Variants in MMD2 observed in about 807,000 individuals in gnomAD.
The protein encoded by MMD2 is monocyte to macrophage differentiation factor 2.
Under a neutral mutation model 33.5 loss-of-function variants are expected in MMD2, and 30 were observed. The observed-to-expected ratio is 0.90, with a 90% CI of 0.67 to 1.22. The LOEUF (loss-of-function observed/expected upper bound fraction) is 1.22. MMD2 is among the 50% of genes most tolerant of loss of function. The pLI is 0.00. For missense variants in MMD2, 364 were observed against 325.4 expected (o/e 1.12, Z -0.91); for synonymous variants, 129 against 123.0 (o/e 1.05, Z -0.32).
chr7:4,925,384 C>T lies in MMD2; in HGVS notation c.129+67G>A, dbSNP rs906725192. The T allele has an allele frequency of 1.4e-5, 19 of 1,315,508 alleles. No homozygotes were observed. In the Middle Eastern group the frequency reaches 1.1e-3, roughly 75 times the overall value. 81.5% of individuals were successfully genotyped at this position (1,315,508 alleles called of 1,614,324 possible). A position where few individuals can be genotyped will look rare whatever the true frequency, so the allele number is the denominator to read the frequency against. On this transcript the variant is annotated intron_variant, in intron 2 of 6. Coordinates refer to ENST00000401401, the MANE Select transcript of MMD2 (RefSeq NM_198403.4). ...CTTAGGACATACGTGAAGGAGGTGA[C>T]TTCCCCCACCCCCCTTCCCCGGAAG...
At chr7:4,943,605 C>G (rs544829195) in intron 1 of MMD2, among the ~76,000 whole-genome samples, 1 of 152,186 alleles carries the variant, frequency 6.6e-6, no homozygotes, top group Non-Finnish European at 1.5e-5. Flanking sequence ...CACAGAAAAC[C>G]TCTAGATATG....
chr7:4,921,045 G>A (rs774622555), intron 2 of MMD2, among the ~76,000 whole-genome samples: 13 of 152,116 alleles, frequency 8.5e-5, no homozygotes, highest in Non-Finnish European at 1.6e-4. Flanking sequence ...AGCCATGTGG[G>A]GCCAGTGGCT....
At chr7:4,910,042 T>G in intron 5 of MMD2, 92 bp from the exon 6 acceptor site, 4 of 1,613,374 alleles carry the variant, frequency 2.5e-6, no homozygotes, top group Non-Finnish European at 3.4e-6. Context: ...GAGGGAACAC[T>G]CTGGCCAGAA....
intron 1 of MMD2, among the ~76,000 whole-genome samples, chr7:4,955,331 G>A (rs1786353684): frequency 6.6e-6 from 1 of 152,178 alleles, no homozygotes; most frequent in Non-Finnish European, 1.5e-5. Flanking sequence ...TTACATCAAA[G>A]ACTCTAGGTT....
intron 1 of MMD2, among the ~76,000 whole-genome samples, chr7:4,956,292 G>A (rs573212961): frequency 6.6e-6 from 1 of 150,726 alleles, no homozygotes; most frequent in South Asian, 2.1e-4. Flanking sequence ...CAGGCATGGT[G>A]GTGCACACCT....
At chr7:4,929,047 G>T (rs190287296) in intron 1 of MMD2, among the ~76,000 whole-genome samples, 1 of 152,292 alleles carries the variant, frequency 6.6e-6, no homozygotes, top group Non-Finnish European at 1.5e-5. Context: ...GTATGGGCAG[G>T]GCAGGAGTGA....
chr7:4,935,335 G>C (rs1287352905), intron 1 of MMD2, among the ~76,000 whole-genome samples: 2 of 152,022 alleles, frequency 1.3e-5, no homozygotes, highest in Non-Finnish European at 2.9e-5. Context: ...CTGGGCCACA[G>C]AGTGAGACCC....
chr7:4,900,853 C>A, the MMD2 span, among the ~76,000 whole-genome samples: 1 of 152,062 alleles, frequency 6.6e-6, no homozygotes, highest in Non-Finnish European at 1.5e-5. Flanking sequence ...TAAACCAGCT[C>A]CCTGGGCCGG....
At chr7:4,893,418 G>C in the MMD2 span, among the ~76,000 whole-genome samples, 1 of 149,388 alleles carries the variant, frequency 6.7e-6, no homozygotes, top group African/African-American at 2.5e-5. Flanking sequence ...TTGAGACAGA[G>C]TCTAGCACTG....
At chr7:4,927,799 A>T (rs1417420308) in intron 1 of MMD2, among the ~76,000 whole-genome samples, 5 of 152,172 alleles carry the variant, frequency 3.3e-5, no homozygotes, top group Non-Finnish European at 7.3e-5. Flanking sequence ...ACCTCTGTTT[A>T]ATCCTCACCA....
At chr7:4,937,882 C>T (rs1583388803) in intron 1 of MMD2, among the ~76,000 whole-genome samples, 2 of 151,832 alleles carry the variant, frequency 1.3e-5, no homozygotes, top group African/African-American at 4.8e-5. Context: ...CTCCTGGCCT[C>T]AAGCAGTCCT....
intron 4 of MMD2, among the ~76,000 whole-genome samples, chr7:4,912,279 C>T (rs1214484242): frequency 6.6e-6 from 1 of 151,916 alleles, no homozygotes; most frequent in Non-Finnish European, 1.5e-5. Context: ...TAACTGTTGG[C>T]CGGGCGCGGT....
chr7:4,925,996 G>T (rs1299158980), intron 1 of MMD2, among the ~76,000 whole-genome samples: 1 of 152,100 alleles, frequency 6.6e-6, no homozygotes, highest in East Asian at 1.9e-4. Context: ...AGTAGAGAAG[G>T]GGTTTCACCA....
At chr7:4,947,932 T>C (rs1786136860) in intron 1 of MMD2, among the ~76,000 whole-genome samples, 1 of 151,990 alleles carries the variant, frequency 6.6e-6, no homozygotes, top group South Asian at 2.1e-4. Context: ...TCTCCCGACC[T>C]GGTGATCCAC....
chr7:4,926,766 A>T (rs1207327980), intron 1 of MMD2, among the ~76,000 whole-genome samples: 1 of 151,046 alleles, frequency 6.6e-6, no homozygotes, highest in African/African-American at 2.4e-5. Context: ...TTTTTTTGAG[A>T]CGGAGTCGTG....
In MMD2 at chr7:4,954,444, G is replaced by T. The variant is rs139432119; in HGVS notation, c.47+4527C>A. Reference sequence around the variant, plus strand: ...TTTTTTTTTCTTTTTTTGAGACGGGGTCTCCCTCTGTCACCCAGGCTGGAG... The same window carrying T: ...TTTTTTTTTCTTTTTTTGAGACGGGTTCTCCCTCTGTCACCCAGGCTGGAG... On this transcript the variant is annotated intron_variant, in intron 1 of 6. Transcript: ENST00000401401. 1.2e-3 allele frequency among the ~76,000 whole-genome samples: 188 copies of T among 151,830 alleles called. 2 individuals carry two copies. Among genetic ancestry groups the T allele is most frequent in the East Asian group, 0.012 (60 of 5,170 alleles).
intron 2 of MMD2, among the ~76,000 whole-genome samples, chr7:4,923,961 G>A (rs1050396305): frequency 6.6e-6 from 1 of 152,118 alleles, no homozygotes; most frequent in Non-Finnish European, 1.5e-5. Flanking sequence ...GGGAGGCCAA[G>A]GCGGGTGGAT....
At chr7:4,904,212 C>A (rs561675201), downstream of MMD2, among the ~76,000 whole-genome samples, 1 of 152,240 alleles carries the variant, frequency 6.6e-6, no homozygotes, top group South Asian at 2.1e-4. Flanking sequence ...GAATTACAGG[C>A]ATGAGCCACT....
intron 1 of MMD2, among the ~76,000 whole-genome samples, chr7:4,929,408 GC>G (rs902092506): frequency 6.6e-6 from 1 of 151,638 alleles, no homozygotes; most frequent in African/African-American, 2.4e-5. Flanking sequence ...CCCCATTGAA[GC>G]CCCCCCCAGG....
Sources: allele counts gnomAD v4.1 joint callset (sites outside exome capture counted in the v4.1 genomes callset), GRCh38; gene constraint gnomAD v4.1.1; transcripts MANE v1.5; gene names NCBI Gene and HGNC (gene_info 2026-07-23, HGNC 2026-07-21).